Variants in TBX19 observed in about 807,000 individuals in gnomAD.
TBX19 encodes T-box transcription factor 19.
TBX19 carries 33 observed loss-of-function variants against 40.9 expected under a neutral mutation model. The ratio of observed to expected loss-of-function variants is 0.81; its 90% CI spans 0.61 to 1.08. The LOEUF is 1.08. Among genes scored for constraint, TBX19 ranks in the 50% least tolerant of loss-of-function variants. TBX19 has a pLI of 0.00. For missense variants in TBX19, 494 were observed against 574.0 expected, an observed-to-expected ratio of 0.86 and a Z score of 1.42; for synonymous variants, 220 against 225.0, an observed-to-expected ratio of 0.98 and a Z score of 0.20.
chr1:168,292,761 G>A (rs559844826), intron 2 of TBX19, among the ~76,000 whole-genome samples: 67 of 151,992 alleles, frequency 4.4e-4, no homozygotes, highest in African/African-American at 1.6e-3. Context: ...CTACTCGGGA[G>A]GCTGAGGCAG....
In TBX19 at chr1:168,305,039, A is replaced by G. The variant is rs1649367183; in HGVS notation, c.759A>G (p.Gly253=). ...GCTGGATCTTTTCCAATCCAGATGG[A>G]GTGTGCACAGCAGGAAACTCCAATT... ...LGGWIFSNPD[G]VCTAGNSNYQ... is the part of the protein sequence containing the mutation. The change falls in exon 6 of 8, where the codon GGA becomes GGG. Residue 253 remains glycine (G), a synonymous_variant. Coordinates refer to ENST00000367821, the MANE Select transcript of TBX19 (RefSeq NM_005149.3). 3.1e-6 allele frequency: 5 copies of G among 1,613,972 alleles called. No individual in the cohort carries two copies. The highest frequency in any genetic ancestry group is 1.1e-5 in the South Asian group (1 of 91,076).
intron 6 of TBX19, chr1:168,308,528 G>A: frequency 1.7e-6 from 1 of 595,838 alleles, no homozygotes; most frequent in East Asian, 3.0e-5. Context: ...AGTCACTGGT[G>A]TGAAGATTAA....
chr1:168,283,714 T>A (rs1472438224), intron 1 of TBX19, among the ~76,000 whole-genome samples: 1 of 152,178 alleles, frequency 6.6e-6, no homozygotes, highest in African/African-American at 2.4e-5. Flanking sequence ...TTGTGGCCCT[T>A]CCCTGTGGAG....
At position 168,281,364 on chromosome 1, in the gene TBX19, A is replaced by C. The variant is rs1004489262; in HGVS notation, c.203+71A>C. ...AGAGATGAGACCCCTTGAATATTGA[A>C]GAGGCTGCCGCTCTTCACTCAGAGG... On this transcript the variant is annotated intron_variant, in intron 1 of 7. Transcript: ENST00000367821. 16 of 1,422,544 alleles carry C rather than the reference A, an allele frequency of 1.1e-5. No individual in the cohort carries two copies. In the East Asian group the frequency reaches 3.4e-4, roughly 30 times the overall value. The allele number at this position is 1,422,544 out of a possible 1,614,324, so 88.1% of individuals were successfully genotyped here. A position where few individuals can be genotyped will look rare whatever the true frequency, so the allele number is the denominator to read the frequency against.
At chr1:168,301,077 A>G (rs1365858818) in intron 5 of TBX19, among the ~76,000 whole-genome samples, 1 of 152,238 alleles carries the variant, frequency 6.6e-6, no homozygotes, top group Non-Finnish European at 1.5e-5. Context: ...GATCAGTGAC[A>G]TCAGAGTAGG....
At chr1:168,300,580 G>A in intron 5 of TBX19, 97 bp downstream of exon 5, 1 of 1,168,006 alleles carries the variant, frequency 8.6e-7, no homozygotes, top group East Asian at 2.4e-5. Context: ...ACTGCTTAAG[G>A]ACTTCCAAAT....
chr1:168,284,632 T>G (rs1232368276), intron 1 of TBX19, among the ~76,000 whole-genome samples: 2 of 151,788 alleles, frequency 1.3e-5, no homozygotes, highest in East Asian at 1.9e-4. Flanking sequence ...AAAAATTAGC[T>G]GGGCATGGTG....
At position 168,304,999 on chromosome 1, in the gene TBX19, C is replaced by T; in HGVS notation, c.728-9C>T. 1 of 1,613,774 alleles carries T rather than the reference C, an allele frequency of 6.2e-7. No individual in the cohort carries two copies. The highest frequency in any genetic ancestry group is 1.1e-5 in the South Asian group (1 of 91,084). On this transcript the variant is annotated splice_polypyrimidine_tract_variant and intron_variant, in intron 5 of 7. Coordinates refer to ENST00000367821, the MANE Select transcript of TBX19 (RefSeq NM_005149.3). ...CTCAGTCTTGGTGTATTCCTCTTGT[C>T]TATTTTAGTGGGAGGCTGGATCTTT...
intron 2 of TBX19, among the ~76,000 whole-genome samples, chr1:168,292,617 C>A (rs1648969285): frequency 6.6e-6 from 1 of 152,222 alleles, no homozygotes; most frequent in African/African-American, 2.4e-5. Flanking sequence ...GTAATCCCAG[C>A]ACTTTGGGAG....
intron 4 of TBX19, among the ~76,000 whole-genome samples, chr1:168,298,800 C>CCCCCCCTCCCT (rs1553289826): frequency 1.2e-4 from 1 of 8,036 alleles, no homozygotes; most frequent in Non-Finnish European, 2.6e-4. Context: ...CTCCTCTCCT[C>CCCCCCCTCCCT]CCCTCCCTCC....
intron 5 of TBX19, among the ~76,000 whole-genome samples, chr1:168,301,403 C>T (rs1025094168): frequency 3.9e-5 from 6 of 152,158 alleles, no homozygotes; most frequent in African/African-American, 1.4e-4. Context: ...GCTGGGCCCA[C>T]AGGCATGTGC....
chr1:168,305,429 C>A (rs1341920844), intron 6 of TBX19, among the ~76,000 whole-genome samples: 1 of 151,978 alleles, frequency 6.6e-6, no homozygotes, highest in Non-Finnish European at 1.5e-5. Flanking sequence ...TCATAAAACC[C>A]CCAGTCTCCT....
intron 4 of TBX19, among the ~76,000 whole-genome samples, chr1:168,298,291 C>T (rs180915824): frequency 7.1e-4 from 108 of 152,128 alleles, no homozygotes; most frequent in African/African-American, 2.3e-3. Flanking sequence ...AATAGGGATC[C>T]GGGAGAACTG....
intron 5 of TBX19, among the ~76,000 whole-genome samples, chr1:168,302,563 C>T (rs187353575): frequency 4.7e-4 from 72 of 152,158 alleles, no homozygotes; most frequent in African/African-American, 1.3e-3. Context: ...TAAACTCACT[C>T]GAAATAGTCT....
intron 3 of TBX19, among the ~76,000 whole-genome samples, chr1:168,295,479 C>G (rs1448395261): frequency 6.6e-6 from 1 of 152,154 alleles, no homozygotes; most frequent in Non-Finnish European, 1.5e-5. Flanking sequence ...TGTCTTGTGC[C>G]TACAGGTGAA....
chr1:168,286,775 G>C (rs1488641764), intron 1 of TBX19, among the ~76,000 whole-genome samples: 2 of 152,190 alleles, frequency 1.3e-5, no homozygotes, highest in African/African-American at 4.8e-5. Context: ...TTGAGAAACT[G>C]TATATTTAAC....
intron 1 of TBX19, among the ~76,000 whole-genome samples, chr1:168,284,552 A>G (rs1474341386): frequency 2.0e-5 from 3 of 152,028 alleles, no homozygotes; most frequent in Non-Finnish European, 1.5e-5. Flanking sequence ...AGGTAGGTTG[A>G]TCACTTGAGC....
chr1:168,298,823 CTTTCTTTCTTTCTTTCTTTCTT>C lies in TBX19; in HGVS notation c.665+1040_665+1061del, dbSNP rs1229508342. 1.9e-3 allele frequency among the ~76,000 whole-genome samples: 29 copies of C among 15,538 alleles called. 6 individuals are homozygous for C. Among genetic ancestry groups the C allele is most frequent in the African/African-American group, 8.1e-3 (28 of 3,454 alleles). The allele number at this position is 15,538 out of a possible 152,430, so 10.2% of individuals were successfully genotyped here. On this transcript the variant is annotated intron_variant, in intron 4 of 7. Transcript: ENST00000367821. ...CTCCCCTCCCTCCCTCCCTCCCTTC[CTTTCTTTCTTTCTTTCTTTCTT>C]TCTTTCTTTCTTTCTTTCTTTCTTT... is the stretch of plus-strand genomic sequence containing the variant.
chr1:168,293,367 G>A lies in TBX19; in HGVS notation c.603+89G>A, dbSNP rs528773959. The stretch of plus-strand genomic sequence containing the variant: ...GATCATGGCAGGATGGGCGGGGGGG[G>A]TCCTTTTAGATGAAAGGTAGGTTTT... On this transcript the variant is annotated intron_variant, in intron 3 of 7. Coordinates refer to ENST00000367821, the MANE Select transcript of TBX19 (RefSeq NM_005149.3). The A allele has an allele frequency of 1.6e-4, 229 of 1,469,856 alleles. 7 individuals carry two copies. The African/African-American group carries it at 2.8e-3, about 18-fold the overall frequency. 91.1% of individuals were successfully genotyped at this position (1,469,856 alleles called of 1,614,324 possible).
Sources: gnomAD v4.1 joint callset for allele counts (sites outside exome capture counted in the v4.1 genomes callset) on GRCh38, gnomAD v4.1.1 for gene constraint, MANE v1.5 for transcripts, NCBI Gene and HGNC (gene_info 2026-07-23, HGNC 2026-07-21) for gene names.